The following MPRIP variants were observed in gnomAD, a reference collection of about 807,000 sequenced individuals.
MPRIP encodes myosin phosphatase Rho-interacting protein.
MPRIP carries 59 observed loss-of-function variants against 234.9 expected under a neutral mutation model. The observed-to-expected ratio is 0.25, with a 90% CI of 0.20 to 0.31. The LOEUF is 0.31. Among genes scored for constraint, MPRIP ranks in the 10% least tolerant of loss-of-function variants. The pLI is 1.00. For missense variants in MPRIP, 2,436 were observed against 3,071.0 expected (o/e 0.79, Z 4.89); for synonymous variants, 1,144 against 1,263.9 (o/e 0.91, Z 2.01).
chr17:17,092,034 C>T (rs750858864), intron 3 of MPRIP, among the ~76,000 whole-genome samples: 3 of 152,242 alleles, frequency 2.0e-5, no homozygotes, highest in African/African-American at 4.8e-5. Context: ...TGGAGCCCAG[C>T]GTCAGGCCAG....
At chr17:17,149,777 T>G (rs1198112491) in intron 11 of MPRIP, 1 of 148,804 alleles carries the variant, frequency 6.7e-6, no homozygotes, top group African/African-American at 2.4e-5. Flanking sequence ...TATTTTTAAA[T>G]TAAAATTTTT....
rs780333102 is a variant in MPRIP at position 17,158,710 on chromosome 17, G to C, written c.2108G>C (p.Arg703Pro). 3 of 1,610,076 alleles carry C rather than the reference G, an allele frequency of 1.9e-6. No homozygotes were observed. The highest frequency in any genetic ancestry group is 2.2e-5 in the South Asian group (2 of 90,944). Residue 703 changes from arginine (R) to proline (P), a missense_variant, in exon 14 of 24, where the codon CGT becomes CCT. By Grantham distance (103) the Arg-to-Pro change is moderately radical. Transcript: ENST00000651222. ...EAEPGELERERARRREERRKR... is the reference protein window; with the variant it reads ...EAEPGELEREPARRREERRKR... ...GAGCCTGGGGAGCTGGAGCGGGAGC[G>C]TGCACGGAGGCGGGAGGAGCGCCGC...
At chr17:17,045,785 G>A (rs943523001) in intron 1 of MPRIP, among the ~76,000 whole-genome samples, 1 of 151,394 alleles carries the variant, frequency 6.6e-6, no homozygotes, top group Non-Finnish European at 1.5e-5. Context: ...ATTTCTCAGC[G>A]ACATACGGAC....
rs2046596633 is a variant in MPRIP at position 17,192,026 on chromosome 17, C to T, written c.*7132C>T. 2 of 152,138 alleles carry T rather than the reference C, an allele frequency of 1.3e-5. No individual in the cohort carries two copies. Among genetic ancestry groups the T allele is most frequent in the Admixed American group, 1.3e-4 (2 of 15,272 alleles). The allele number at this position is 152,138 out of a possible 1,614,324, so 9.4% of individuals were successfully genotyped here. A position where few individuals can be genotyped will look rare whatever the true frequency, so the allele number is the denominator to read the frequency against. On this transcript the variant is annotated 3_prime_UTR_variant, in exon 24 of 24. Transcript: ENST00000651222. ...TTACAATTCTTAATGATTTTTCTCA[C>T]AGCTGTGCCCTTCTGTCAGGGTCAG...
Position 17,167,418 on chromosome 17 carries a change from A to T in MPRIP, c.5827A>T (p.Thr1943Ser), listed in dbSNP as rs2046026313. The change falls in exon 16 of 24, where the codon ACC becomes TCC. Residue 1943 changes from threonine (T) to serine (S), a missense_variant. Thr to Ser is a moderately conservative substitution (Grantham distance 58). Transcript: ENST00000651222. The surrounding 1 kb of genome is among the most constrained non-coding windows in gnomAD (Gnocchi z 5.9). ...GAGCAAGCACAGCATGAGCATGTTC[A>T]CCCTGCGGGGCAGGTATGAGGAGGA... ...AESKHSMSMF[T>S]LRGRYEEEIR... 1 of 1,304,092 alleles carries T rather than the reference A, an allele frequency of 7.7e-7. No homozygotes were observed. The allele number at this position is 1,304,092 out of a possible 1,614,324, so 80.8% of individuals were successfully genotyped here.
chr17:17,114,760 G>A (rs900054067), intron 3 of MPRIP, among the ~76,000 whole-genome samples: 2 of 152,112 alleles, frequency 1.3e-5, no homozygotes, highest in African/African-American at 4.8e-5. Context: ...CTGGGTGAGG[G>A]CTCCCAAGGG....
At chr17:17,069,570 A>G (rs2089143450) in intron 1 of MPRIP, among the ~76,000 whole-genome samples, 1 of 150,466 alleles carries the variant, frequency 6.6e-6, no homozygotes, top group Non-Finnish European at 1.5e-5. Context: ...ATAGTTTTTT[A>G]AGTGTATCTC....
chr17:17,147,831 AGGATAGATGAGCTTTTTTG>A (rs2045511580), intron 11 of MPRIP, among the ~76,000 whole-genome samples: 1 of 152,242 alleles, frequency 6.6e-6, no homozygotes, highest in Admixed American at 6.5e-5. Context: ...AGGACAGGAT[AGGATAGATGAGCTTTTTTG>A]GGCCCCTGGA....
intron 3 of MPRIP, among the ~76,000 whole-genome samples, chr17:17,110,755 A>G (rs1209391357): frequency 6.6e-6 from 1 of 152,160 alleles, no homozygotes. Context: ...GACAAACCCA[A>G]ATTGAGGTGC....
intron 3 of MPRIP, among the ~76,000 whole-genome samples, chr17:17,114,159 C>T (rs1246208369): frequency 6.6e-5 from 10 of 152,156 alleles, no homozygotes; most frequent in Non-Finnish European, 1.2e-4. Flanking sequence ...TTCTGAAGTG[C>T]TAGGTGACTT....
intron 16 of MPRIP, chr17:17,168,911 C>T (rs1567771908): frequency 4.4e-6 from 2 of 456,694 alleles, no homozygotes; most frequent in South Asian, 3.1e-5. Flanking sequence ...GCCTACACAT[C>T]CTCACAGCCA....
rs1353588236 is a variant in MPRIP, at chr17:17,190,485, G to T, written c.*5591G>T. 2.6e-5 allele frequency: 4 copies of T among 152,262 alleles called. No individual in the cohort carries two copies. The highest frequency in any genetic ancestry group is 7.2e-5 in the African/African-American group (3 of 41,474). 9.4% of individuals were successfully genotyped at this position (152,262 alleles called of 1,614,324 possible). ...AGCTGAAGGCTAGTAATACCGTGCT[G>T]TAGGCTCTTTAAAAGGAAAGCCTGG... On this transcript the variant is annotated 3_prime_UTR_variant, in exon 24 of 24. Transcript: ENST00000651222.
intron 4 of MPRIP, among the ~76,000 whole-genome samples, chr17:17,128,796 C>G (rs1169862425): frequency 6.6e-6 from 1 of 152,182 alleles, no homozygotes; most frequent in African/African-American, 2.4e-5. Flanking sequence ...ACCCTGGGGA[C>G]AAGTGCTTTT....
intron 3 of MPRIP, among the ~76,000 whole-genome samples, chr17:17,102,462 C>T (rs2089982217): frequency 6.6e-6 from 1 of 152,238 alleles, no homozygotes; most frequent in Admixed American, 6.5e-5. Context: ...TCTTCTCTGC[C>T]AGGTCATTGT....
At chr17:17,085,471 G>A (rs2089567361) in intron 3 of MPRIP, among the ~76,000 whole-genome samples, 1 of 152,216 alleles carries the variant, frequency 6.6e-6, no homozygotes, top group Admixed American at 6.5e-5. Context: ...TTTTGGTTGA[G>A]AGACTTCGGT....
At chr17:17,046,853 G>A (rs968119643) in intron 1 of MPRIP, among the ~76,000 whole-genome samples, 25 of 152,240 alleles carry the variant, frequency 1.6e-4, no homozygotes, top group African/African-American at 6.0e-4. Context: ...ATTAACGAAT[G>A]AGTTCGAATG....
intron 17 of MPRIP, 101 bp from the exon 18 acceptor site, chr17:17,172,597 C>T: frequency 2.4e-6 from 2 of 828,930 alleles, no homozygotes; most frequent in East Asian, 2.5e-5. Flanking sequence ...CAAGCATCAG[C>T]AGTGGCAGGC....
chr17:17,076,963 A>G (rs2089346441), intron 2 of MPRIP: 1 of 135,654 alleles, frequency 7.4e-6, no homozygotes, highest in East Asian at 2.1e-4. Context: ...TTTTTTTGAA[A>G]CAGAGTCTTG....
chr17:17,144,586 G>A (rs574327409), intron 9 of MPRIP, among the ~76,000 whole-genome samples: 14 of 152,278 alleles, frequency 9.2e-5, no homozygotes, highest in East Asian at 5.8e-4. Flanking sequence ...GGCCGGGCAC[G>A]GTGGCTCACG....
Sources: allele counts gnomAD v4.1 joint callset (sites outside exome capture counted in the v4.1 genomes callset), GRCh38; gene constraint gnomAD v4.1.1; non-coding constraint Gnocchi (gnomAD v3.1); transcripts MANE v1.5; gene names NCBI Gene and HGNC (gene_info 2026-07-23, HGNC 2026-07-21).